The following RSU1 variants were observed in gnomAD, a reference collection of about 807,000 sequenced individuals.
The protein encoded by RSU1 is Ras suppressor protein 1.
A neutral mutation model predicts 31.1 loss-of-function variants in RSU1; 26 were observed. The observed-to-expected ratio is 0.84, with a 90% CI of 0.61 to 1.16. RSU1 has a LOEUF of 1.16. Among genes scored for constraint, RSU1 ranks in the 50% most tolerant of loss-of-function variants. The probability of loss-of-function intolerance (pLI) is 0.00; values close to 1 mark genes in which losing one functional copy is unlikely to be tolerated. For missense variants in RSU1, 320 were observed against 339.1 expected (o/e 0.94, Z 0.44); for synonymous variants, 164 against 136.3 (o/e 1.20, Z -1.41).
At chr10:16,693,868 AAATT>A (rs935613866) in intron 8 of RSU1, among the ~76,000 whole-genome samples, 3 of 152,116 alleles carry the variant, frequency 2.0e-5, no homozygotes, top group South Asian at 2.1e-4. Context: ...CTCTTAAAAA[AAATT>A]AATTAATTAA....
At chr10:16,742,272 A>T (rs1025340377) in intron 7 of RSU1, among the ~76,000 whole-genome samples, 1 of 152,198 alleles carries the variant, frequency 6.6e-6, no homozygotes, top group Non-Finnish European at 1.5e-5. Flanking sequence ...TCAGTTGAAA[A>T]TGTGAAGAAT....
At chr10:16,762,794 C>T (rs1482678581) in intron 4 of RSU1, among the ~76,000 whole-genome samples, 1 of 151,990 alleles carries the variant, frequency 6.6e-6, no homozygotes, top group Non-Finnish European at 1.5e-5. Context: ...GGCAGACGGA[C>T]ATGAGGTCAA....
At chr10:16,728,214 G>A (rs1212538056) in intron 7 of RSU1, among the ~76,000 whole-genome samples, 1 of 152,148 alleles carries the variant, frequency 6.6e-6, no homozygotes, top group Non-Finnish European at 1.5e-5. Context: ...TGTTACAACA[G>A]CGAAAAGCAT....
intron 8 of RSU1, among the ~76,000 whole-genome samples, chr10:16,597,142 A>T (rs993688583): frequency 6.6e-6 from 1 of 152,170 alleles, no homozygotes; most frequent in African/African-American, 2.4e-5. Flanking sequence ...GAGGGAGAGG[A>T]GCAGTAGGAA....
chr10:16,813,584 T>G (rs1196827014), intron 2 of RSU1, among the ~76,000 whole-genome samples: 1 of 152,232 alleles, frequency 6.6e-6, no homozygotes, highest in Admixed American at 6.5e-5. Flanking sequence ...TCTTATGAAG[T>G]GGTTTCTTAG....
intron 5 of RSU1, among the ~76,000 whole-genome samples, chr10:16,753,267 A>T (rs1837016433): frequency 6.6e-6 from 1 of 152,244 alleles, no homozygotes; most frequent in Non-Finnish European, 1.5e-5. Context: ...ACAGAGTTTC[A>T]GCACATTTTC....
chr10:16,680,134 C>T (rs1027995124), intron 8 of RSU1, among the ~76,000 whole-genome samples: 8 of 151,894 alleles, frequency 5.3e-5, no homozygotes, highest in African/African-American at 1.9e-4. Context: ...TGCCTGCCCT[C>T]GCCTCCCAAA....
intron 7 of RSU1, among the ~76,000 whole-genome samples, chr10:16,715,068 G>A (rs930276473): frequency 2.6e-5 from 4 of 152,188 alleles, no homozygotes; most frequent in African/African-American, 4.8e-5. Flanking sequence ...AGGATGCCTC[G>A]CTCACCTGTC....
At chr10:16,693,136 G>A (rs1255231155) in intron 8 of RSU1, among the ~76,000 whole-genome samples, 1 of 152,028 alleles carries the variant, frequency 6.6e-6, no homozygotes, top group Non-Finnish European at 1.5e-5. Context: ...GCTAATTTTT[G>A]TGTTTTTAGT....
chr10:16,701,712 G>C (rs1564323356), intron 7 of RSU1, among the ~76,000 whole-genome samples: 2 of 152,158 alleles, frequency 1.3e-5, no homozygotes, highest in Non-Finnish European at 1.5e-5. Context: ...GTGTGTGCTG[G>C]TGTGAAGAGG....
chr10:16,764,629 G>A (rs1345869231), intron 3 of RSU1, 119 bp from the exon 4 acceptor site: 14 of 1,022,082 alleles, frequency 1.4e-5, no homozygotes, highest in Admixed American at 5.0e-5. Flanking sequence ...AAGGGCCATC[G>A]AATTCACCTA....
chr10:16,641,781 C>T (rs539765590), intron 8 of RSU1, among the ~76,000 whole-genome samples: 25 of 152,290 alleles, frequency 1.6e-4, no homozygotes, highest in African/African-American at 5.8e-4. Context: ...CAGTCGTGCC[C>T]ACTTTCACAG....
intron 2 of RSU1, among the ~76,000 whole-genome samples, chr10:16,801,601 G>A (rs1418893792): frequency 6.6e-6 from 1 of 152,004 alleles, no homozygotes; most frequent in African/African-American, 2.4e-5. Flanking sequence ...TTCTTCTGAA[G>A]CTTGCACAGA....
At chr10:16,606,473 AAAATC>A (rs1833806976) in intron 8 of RSU1, among the ~76,000 whole-genome samples, 1 of 152,104 alleles carries the variant, frequency 6.6e-6, no homozygotes, top group South Asian at 2.1e-4. Context: ...TGTTGGAAAA[AAAATC>A]AGAATGAATT....
At chr10:16,749,694 G>C (rs1399969437) in intron 7 of RSU1, among the ~76,000 whole-genome samples, 2 of 152,260 alleles carry the variant, frequency 1.3e-5, no homozygotes, top group South Asian at 4.1e-4. Flanking sequence ...AACGCAACTG[G>C]CTTGGAAAGG....
At chr10:16,798,218 G>A (rs1352180519) in intron 2 of RSU1, among the ~76,000 whole-genome samples, 1 of 151,768 alleles carries the variant, frequency 6.6e-6, no homozygotes, top group Non-Finnish European at 1.5e-5. Context: ...TTAAAGATGG[G>A]CAAAAAAATC....
intron 2 of RSU1, among the ~76,000 whole-genome samples, chr10:16,813,284 T>C (rs1209804677): frequency 6.6e-6 from 1 of 152,190 alleles, no homozygotes; most frequent in African/African-American, 2.4e-5. Context: ...TAAATAGCTA[T>C]CTAAATCAAT....
chr10:16,645,992 GTGTA>G lies in RSU1; in HGVS notation c.731+49027_731+49030del, dbSNP rs1273835553. Among the ~76,000 whole-genome samples the G allele has an allele frequency of 7.5e-5, 4 of 53,456 alleles. 1 individual carries two copies. Among genetic ancestry groups the G allele is most frequent in the African/African-American group, 4.2e-4 (4 of 9,502 alleles). The allele number at this position is 53,456 out of a possible 152,430, so 35.1% of individuals were successfully genotyped here. A position where few individuals can be genotyped will look rare whatever the true frequency, so the allele number is the denominator to read the frequency against. Reference sequence around the variant, plus strand: ...TATATATATGTGTATATACATATATGTGTATATATATGTGTATATACATATATGT... The same window carrying G: ...TATATATATGTGTATATACATATATGTATATATGTGTATATACATATATGT... On this transcript the variant is annotated intron_variant, in intron 8 of 8. Coordinates refer to ENST00000345264, the MANE Select transcript of RSU1 (RefSeq NM_012425.4).
chr10:16,714,498 ACC>A (rs1467545819), intron 7 of RSU1, among the ~76,000 whole-genome samples: 4 of 152,158 alleles, frequency 2.6e-5, no homozygotes, highest in African/African-American at 9.7e-5. Flanking sequence ...CTATGGATGC[ACC>A]GCGCTTGGTG....
Sources: allele counts gnomAD v4.1 joint callset (sites outside exome capture counted in the v4.1 genomes callset), GRCh38; gene constraint gnomAD v4.1.1; transcripts MANE v1.5; gene names NCBI Gene and HGNC (gene_info 2026-07-23, HGNC 2026-07-21).